The following TMEFF1 variants were observed in gnomAD, a reference collection of about 807,000 sequenced individuals.
The protein encoded by TMEFF1 is transmembrane protein with EGF like and two follistatin like domains 1.
A neutral mutation model predicts 47.5 loss-of-function variants in TMEFF1; 20 were observed. The ratio of observed to expected loss-of-function variants is 0.42; its 90% confidence interval spans 0.30 to 0.61. The LOEUF (loss-of-function observed/expected upper bound fraction) is 0.61, where lower values mean the gene tolerates loss of function less well. Ranked by LOEUF, TMEFF1 falls within the 20% of genes least tolerant of loss-of-function variation. The pLI is 0.19. For missense variants in TMEFF1, 411 were observed against 471.1 expected (o/e 0.87, Z 1.18); for synonymous variants, 162 against 166.3 (o/e 0.97, Z 0.20).
chr9:100,501,556 A>G (rs922147410), intron 2 of TMEFF1, among the ~76,000 whole-genome samples: 1 of 152,112 alleles, frequency 6.6e-6, no homozygotes, highest in African/African-American at 2.4e-5. Flanking sequence ...GAATATATAT[A>G]TATTGCTTAC....
At chr9:100,550,757 A>G (rs1838816267) in intron 7 of TMEFF1, among the ~76,000 whole-genome samples, 1 of 152,168 alleles carries the variant, frequency 6.6e-6, no homozygotes. Context: ...CCTGTCTGTC[A>G]TGTTCACTCT....
At chr9:100,533,674 TCTAA>T (rs1838446097) in intron 5 of TMEFF1, among the ~76,000 whole-genome samples, 1 of 152,090 alleles carries the variant, frequency 6.6e-6, no homozygotes, top group Non-Finnish European at 1.5e-5. Flanking sequence ...TTGTTCATTT[TCTAA>T]CTTTTTAAAT....
At chr9:100,560,364 C>A (rs1838992379) in intron 7 of TMEFF1, among the ~76,000 whole-genome samples, 1 of 152,194 alleles carries the variant, frequency 6.6e-6, no homozygotes, top group South Asian at 2.1e-4. Flanking sequence ...TGCACAGAGT[C>A]TGTTAGCTAG....
chr9:100,538,466 C>G (rs1039264890), intron 5 of TMEFF1, among the ~76,000 whole-genome samples: 1 of 152,222 alleles, frequency 6.6e-6, no homozygotes, highest in African/African-American at 2.4e-5. Context: ...GCAGTCGGCC[C>G]TGAGGATATG....
chr9:100,552,361 TA>T (rs1838840679), intron 7 of TMEFF1, among the ~76,000 whole-genome samples: 1 of 152,154 alleles, frequency 6.6e-6, no homozygotes, highest in Non-Finnish European at 1.5e-5. Flanking sequence ...GATAGAGAGT[TA>T]AAAATGACTT....
intron 5 of TMEFF1, among the ~76,000 whole-genome samples, 153 bp downstream of exon 5, chr9:100,516,924 A>G (rs1158904977): frequency 6.6e-6 from 1 of 152,110 alleles, no homozygotes; most frequent in Admixed American, 6.6e-5. Context: ...TTTTAAATTG[A>G]TATAATACTA....
chr9:100,541,375 C>CTTTTTTTTTTTTT (rs1220537806), intron 5 of TMEFF1, among the ~76,000 whole-genome samples: 5 of 97,676 alleles, frequency 5.1e-5, no homozygotes, highest in East Asian at 3.0e-4. Flanking sequence ...TTCTTTCTTT[C>CTTTTTTTTTTTTT]TTTTTTTTTT....
chr9:100,502,364 CT>C (rs988349819), intron 2 of TMEFF1, among the ~76,000 whole-genome samples: 1 of 151,084 alleles, frequency 6.6e-6, no homozygotes. Context: ...ATTTATCTGT[CT>C]TTTTTTTTGT....
intron 4 of TMEFF1, 150 bp downstream of exon 4, chr9:100,513,483 G>A: frequency 1.0e-6 from 1 of 978,808 alleles, no homozygotes; most frequent in Non-Finnish European, 1.4e-6. Flanking sequence ...GTGACTTTTA[G>A]TAAATTCACA....
intron 7 of TMEFF1, among the ~76,000 whole-genome samples, chr9:100,550,639 C>T (rs955629034): frequency 1.6e-4 from 25 of 152,176 alleles, no homozygotes; most frequent in African/African-American, 6.0e-4. Context: ...ATATTAGATG[C>T]CTTTCCTGTA....
chr9:100,498,676 C>A, intron 1 of TMEFF1, 89 bp from the exon 2 acceptor site: 1 of 1,251,298 alleles, frequency 8.0e-7, no homozygotes, highest in Non-Finnish European at 1.1e-6. Flanking sequence ...ATTTTAAGGA[C>A]TTTTTCATAC....
chr9:100,482,013 G>A (rs766187473), intron 1 of TMEFF1, among the ~76,000 whole-genome samples: 1 of 152,034 alleles, frequency 6.6e-6, no homozygotes, highest in Non-Finnish European at 1.5e-5. Flanking sequence ...GTCTCCTTGT[G>A]ATGTGCCTGC....
At chr9:100,491,606 G>A (rs1304989092) in intron 1 of TMEFF1, among the ~76,000 whole-genome samples, 5 of 152,282 alleles carry the variant, frequency 3.3e-5, no homozygotes, top group South Asian at 2.1e-4. Context: ...TTGAAGACTC[G>A]AAGTGGTGGG....
chr9:100,576,512 A>G lies in TMEFF1; in HGVS notation c.1059-4A>G. 1 of 1,606,036 alleles carries G rather than the reference A, an allele frequency of 6.2e-7. No individual in the cohort carries two copies. The highest frequency in any genetic ancestry group is 8.5e-7 in the Non-Finnish European group (1 of 1,177,962). On this transcript the variant is annotated splice_polypyrimidine_tract_variant and splice_region_variant and intron_variant, in intron 9 of 9. Transcript: ENST00000374879. ...TTTCTCTCTTTCTTTTTTTAATGCA[A>G]CAGAAAATGCCCCAAAAACAATAGA...
chr9:100,505,798 T>C (rs1837849814), intron 2 of TMEFF1, among the ~76,000 whole-genome samples: 1 of 152,186 alleles, frequency 6.6e-6, no homozygotes, highest in Admixed American at 6.5e-5. Context: ...AACACTACGT[T>C]AGAAAGTAAG....
chr9:100,503,694 C>T (rs1323995915), intron 2 of TMEFF1, among the ~76,000 whole-genome samples: 2 of 152,164 alleles, frequency 1.3e-5, no homozygotes, highest in Non-Finnish European at 2.9e-5. Context: ...AAGTCCCTAT[C>T]TGAGACTGAA....
chr9:100,492,239 A>C (rs1837566123), intron 1 of TMEFF1, among the ~76,000 whole-genome samples: 1 of 152,220 alleles, frequency 6.6e-6, no homozygotes, highest in Non-Finnish European at 1.5e-5. Flanking sequence ...CTCCAGTTTT[A>C]ATCCCTTTAA....
chr9:100,478,460 C>A (rs912180574), intron 1 of TMEFF1, among the ~76,000 whole-genome samples: 5 of 152,076 alleles, frequency 3.3e-5, no homozygotes, highest in African/African-American at 1.2e-4. Context: ...ACTACAGGTG[C>A]GTGCCACCAC....
At chr9:100,537,561 A>G (rs1185180666) in intron 5 of TMEFF1, among the ~76,000 whole-genome samples, 2 of 152,184 alleles carry the variant, frequency 1.3e-5, no homozygotes, top group African/African-American at 2.4e-5. Flanking sequence ...ATTGCTACAG[A>G]TGCTCTGGCA....
Sources: allele counts gnomAD v4.1 joint callset (sites outside exome capture counted in the v4.1 genomes callset), GRCh38; gene constraint gnomAD v4.1.1; transcripts MANE v1.5; gene names NCBI Gene and HGNC (gene_info 2026-07-23, HGNC 2026-07-21).